DTWD2: variants seen among roughly 807,000 people sequenced by gnomAD.
DTWD2 encodes the protein tRNA-uridine aminocarboxypropyltransferase 2.
DTWD2 carries 39 observed loss-of-function variants against 31.8 expected under a neutral mutation model. That is an observed-to-expected ratio of 1.22 (90% CI 0.95 to 1.60). The LOEUF (loss-of-function observed/expected upper bound fraction) is 1.60, where lower values mean the gene tolerates loss of function less well. Among genes scored for constraint, DTWD2 ranks in the 40% most tolerant of loss-of-function variants. The pLI is 0.00. For synonymous variants in DTWD2, 180 were observed against 142.8 expected, an observed-to-expected ratio of 1.26 and a Z score of -1.86; for missense variants, 515 against 381.5, an observed-to-expected ratio of 1.35 and a Z score of -2.92.
At position 118,840,874 on chromosome 5, in the gene DTWD2, G is replaced by C. The variant is rs1257312461; in HGVS notation, c.*43C>G. On this transcript the variant is annotated 3_prime_UTR_variant, in exon 6 of 6. Transcript: ENST00000510708. ...CTATATGAAAACTTAATTTGGTATT[G>C]TTAGATGAAGACAGTTAAGCTAGCA... 2 of 1,583,162 alleles carry C rather than the reference G, an allele frequency of 1.3e-6. No individual in the cohort carries two copies. Among genetic ancestry groups the C allele is most frequent in the Non-Finnish European group, 1.7e-6 (2 of 1,165,512 alleles).
intron 5 of DTWD2, among the ~76,000 whole-genome samples, chr5:118,842,154 TATA>T (rs1237824715): frequency 1.3e-5 from 2 of 152,132 alleles, no homozygotes; most frequent in African/African-American, 4.8e-5. Context: ...AGCTTTAATT[TATA>T]ATGAAATTAA....
intron 1 of DTWD2, among the ~76,000 whole-genome samples, chr5:118,985,220 T>C (rs1024964785): frequency 5.3e-4 from 80 of 152,022 alleles, no homozygotes; most frequent in African/African-American, 1.8e-3. Flanking sequence ...GAGCTCACTT[T>C]TTCCTCCCTC....
intron 4 of DTWD2, among the ~76,000 whole-genome samples, chr5:118,916,642 G>A (rs1169763505): frequency 1.4e-5 from 2 of 145,096 alleles, no homozygotes; most frequent in South Asian, 4.3e-4. Flanking sequence ...TGCAGCCTGG[G>A]CAACAAAAGT....
At chr5:118,988,164 A>G (rs1483645289) in intron 1 of DTWD2, 130 bp downstream of exon 1, 2 of 1,161,446 alleles carry the variant, frequency 1.7e-6, no homozygotes, top group Admixed American at 2.0e-5. Context: ...GAGATTTCCA[A>G]CGTGCACCCG....
At chr5:118,958,383 G>C (rs572727174) in intron 1 of DTWD2, among the ~76,000 whole-genome samples, 1 of 151,906 alleles carries the variant, frequency 6.6e-6, no homozygotes, top group Non-Finnish European at 1.5e-5. Context: ...GCGTGAATCC[G>C]GGAGGTGGAG....
chr5:118,868,986 A>C (rs1247337537), intron 4 of DTWD2, among the ~76,000 whole-genome samples: 3 of 152,134 alleles, frequency 2.0e-5, no homozygotes, highest in Non-Finnish European at 4.4e-5. Context: ...CATATGAGGT[A>C]ACTAGAGGAG....
intron 4 of DTWD2, among the ~76,000 whole-genome samples, chr5:118,894,882 C>T (rs1328187961): frequency 6.6e-6 from 1 of 152,040 alleles, no homozygotes; most frequent in Non-Finnish European, 1.5e-5. Context: ...GGCCATATAT[C>T]ACAAAACCAC....
chr5:118,892,090 T>C (rs1752988134), intron 4 of DTWD2, among the ~76,000 whole-genome samples: 1 of 152,158 alleles, frequency 6.6e-6, no homozygotes, highest in Non-Finnish European at 1.5e-5. Context: ...TACAGATTAT[T>C]AGTAAGAGAT....
At chr5:118,868,286 C>T (rs879208354) in intron 4 of DTWD2, among the ~76,000 whole-genome samples, 1 of 151,652 alleles carries the variant, frequency 6.6e-6, no homozygotes, top group Admixed American at 6.6e-5. Context: ...CGGACTAAAC[C>T]ATAAGTGCTA....
chr5:118,856,633 A>G (rs2149542257), intron 4 of DTWD2, among the ~76,000 whole-genome samples: 1 of 152,206 alleles, frequency 6.6e-6, no homozygotes, highest in African/African-American at 2.4e-5. Context: ...CGTCTGTTCC[A>G]TGTCATCTCC....
intron 4 of DTWD2, among the ~76,000 whole-genome samples, chr5:118,902,276 TGAA>T (rs1346988874): frequency 6.6e-6 from 1 of 152,038 alleles, no homozygotes; most frequent in Non-Finnish European, 1.5e-5. Context: ...AAATAGTACC[TGAA>T]ACATAGTAGA....
chr5:118,895,424 T>C (rs1354277046), intron 4 of DTWD2, among the ~76,000 whole-genome samples: 3 of 152,176 alleles, frequency 2.0e-5, no homozygotes, highest in Admixed American at 6.5e-5. Context: ...ATTGTCAAAA[T>C]GACCATACTG....
intron 1 of DTWD2, 42 bp downstream of exon 1, chr5:118,988,252 G>A (rs1755475947): frequency 2.0e-6 from 3 of 1,530,546 alleles, no homozygotes; most frequent in East Asian, 2.5e-5. Context: ...TCCTCCGAAG[G>A]CCGCTGCCGG....
At chr5:118,848,397 C>G (rs185078897) in intron 4 of DTWD2, among the ~76,000 whole-genome samples, 179 bp from the exon 5 acceptor site, 11 of 152,078 alleles carry the variant, frequency 7.2e-5, no homozygotes, top group Admixed American at 6.5e-4. Context: ...TAGAAGATAG[C>G]TATATAGAAG....
At chr5:118,951,367 G>C (rs1487762421) in intron 1 of DTWD2, among the ~76,000 whole-genome samples, 2 of 152,144 alleles carry the variant, frequency 1.3e-5, no homozygotes, top group African/African-American at 2.4e-5. Flanking sequence ...CTCAGAGCTT[G>C]GGGTGGAGAC....
chr5:118,980,386 G>A (rs2149603570), intron 1 of DTWD2, among the ~76,000 whole-genome samples: 1 of 152,320 alleles, frequency 6.6e-6, no homozygotes, highest in East Asian at 1.9e-4. Context: ...CATACTCCCT[G>A]TTGTGCCTTG....
At chr5:118,916,802 A>G (rs1392687034) in intron 4 of DTWD2, among the ~76,000 whole-genome samples, 1 of 152,200 alleles carries the variant, frequency 6.6e-6, no homozygotes, top group Non-Finnish European at 1.5e-5. Context: ...AGTCATAGTT[A>G]TTACTCAGAA....
chr5:118,883,646 G>T (rs922048600), intron 4 of DTWD2, among the ~76,000 whole-genome samples: 2 of 152,092 alleles, frequency 1.3e-5, no homozygotes, highest in South Asian at 2.1e-4. Flanking sequence ...ATGGCCACAG[G>T]AGAGAGAGCA....
chr5:118,895,593 A>C (rs1320973835), intron 4 of DTWD2, among the ~76,000 whole-genome samples: 1 of 152,240 alleles, frequency 6.6e-6, no homozygotes, highest in Non-Finnish European at 1.5e-5. Context: ...AAGGCATCAC[A>C]TTGTCTGATT....
Sources: allele counts gnomAD v4.1 joint callset (sites outside exome capture counted in the v4.1 genomes callset), GRCh38; gene constraint gnomAD v4.1.1; transcripts MANE v1.5; gene names NCBI Gene and HGNC (gene_info 2026-07-23, HGNC 2026-07-21).